The following DEPDC5 variants were observed in gnomAD, a reference collection of about 807,000 sequenced individuals.
The protein encoded by DEPDC5 is GATOR1 complex protein DEPDC5.
DEPDC5 carries 73 observed loss-of-function variants against 217.3 expected under a neutral mutation model. The ratio of observed to expected loss-of-function variants is 0.34; its 90% CI spans 0.28 to 0.41. The LOEUF (loss-of-function observed/expected upper bound fraction) is 0.41. DEPDC5 is among the 10% of genes least tolerant of loss of function. DEPDC5 has a pLI of 1.00. For missense variants in DEPDC5, 1,675 were observed against 2,070.1 expected, an observed-to-expected ratio of 0.81 and a Z score of 3.70; for synonymous variants, 733 against 756.7, an observed-to-expected ratio of 0.97 and a Z score of 0.51.
At chr22:31,837,452 A>G (rs1313732552) in intron 26 of DEPDC5, 2 of 423,412 alleles carry the variant, frequency 4.7e-6, no homozygotes, top group African/African-American at 2.1e-5. Flanking sequence ...CTGAGTACAA[A>G]CAGTCTTTCC....
chr22:31,849,726 A>G (rs1602403955), intron 31 of DEPDC5, among the ~76,000 whole-genome samples: 1 of 151,996 alleles, frequency 6.6e-6, no homozygotes, highest in East Asian at 1.9e-4. Flanking sequence ...GGTTGCAATG[A>G]GCTAAAATTG....
At chr22:31,864,484 A>T (rs2092617595) in intron 33 of DEPDC5, among the ~76,000 whole-genome samples, 1 of 140,312 alleles carries the variant, frequency 7.1e-6, no homozygotes, top group African/African-American at 2.6e-5. Flanking sequence ...AACCTTCTGA[A>T]CCTGTTTCTT....
chr22:31,766,608 A>T lies in DEPDC5; in HGVS notation c.303A>T (p.Glu101Asp). ...AGGATGTGACCCTTGACCTAGTGGA[A>T]TTAACTTTTAAGGATCAGTATATTG... ...DPKDVTLDLV[E>D]LTFKDQYIGR... Residue 101 changes from glutamate (E) to aspartate (D), a missense_variant, in exon 6 of 43, where the codon GAA (glutamate) becomes GAT (aspartate). Coordinates refer to ENST00000651528, the MANE Select transcript of DEPDC5 (RefSeq NM_001242896.3). 1 of 1,613,994 alleles carries T rather than the reference A, an allele frequency of 6.2e-7. No homozygotes were observed. Among genetic ancestry groups the T allele is most frequent in the Non-Finnish European group, 8.5e-7 (1 of 1,179,962 alleles).
At chr22:31,886,645 A>G (rs2093319288) in intron 38 of DEPDC5, among the ~76,000 whole-genome samples, 1 of 150,606 alleles carries the variant, frequency 6.6e-6, no homozygotes. Flanking sequence ...CTGTAATCCC[A>G]GCTACTCGTG....
At position 31,846,876 on chromosome 22, in the gene DEPDC5, T is replaced by G. The variant is rs756819729; in HGVS notation, c.3064T>G (p.Ser1022Ala). Residue 1022 changes from serine (S) to alanine (A), a missense_variant, in exon 31 of 43, where the codon TCC becomes GCC. Ser to Ala is a moderately conservative substitution (Grantham distance 99). Coordinates refer to ENST00000651528, the MANE Select transcript of DEPDC5 (RefSeq NM_001242896.3). ...MKGLQMTGPI[S>A]THSLESTAPP... is the part of the protein sequence containing the mutation. ...AGGCTTGCAGATGACTGGGCCCATT[T>G]CCACGCATTCTCTGGAGTCAACTGC... The G allele has an allele frequency of 6.2e-7, 1 of 1,614,228 alleles. No individual in the cohort carries two copies. Among genetic ancestry groups the G allele is most frequent in the South Asian group, 1.1e-5 (1 of 91,090 alleles).
intron 33 of DEPDC5, among the ~76,000 whole-genome samples, chr22:31,865,161 G>A (rs2092654402): frequency 1.3e-5 from 2 of 152,042 alleles, no homozygotes; most frequent in African/African-American, 4.8e-5. Flanking sequence ...CTGTTTATTA[G>A]TAGCCTCACC....
chr22:31,756,038 A>AT (rs35222514), intron 2 of DEPDC5, among the ~76,000 whole-genome samples: 17,261 of 116,790 alleles, frequency 0.15, 1,603 homozygotes, highest in African/African-American at 0.27. Context: ...ACACCTGGCT[A>AT]TTTTTTTTTT....
At chr22:31,809,399 G>A (rs1371854918) in intron 18 of DEPDC5, among the ~76,000 whole-genome samples, 1 of 152,134 alleles carries the variant, frequency 6.6e-6, no homozygotes, top group Non-Finnish European at 1.5e-5. Flanking sequence ...CTTGTAAGGG[G>A]CAGTCCATTC....
intron 6 of DEPDC5, 149 bp from the exon 7 acceptor site, chr22:31,768,665 G>A: frequency 1.6e-6 from 1 of 633,598 alleles, no homozygotes; most frequent in South Asian, 2.2e-5. Flanking sequence ...TCACAAGCTA[G>A]TTCAACTTTG....
intron 29 of DEPDC5, chr22:31,844,814 C>A: frequency 1.9e-6 from 1 of 539,944 alleles, no homozygotes; most frequent in Admixed American, 3.9e-5. Flanking sequence ...CTCGGCCTCC[C>A]AAAGTGCTGG....
At chr22:31,847,222 C>G (rs2149040294) in intron 31 of DEPDC5, among the ~76,000 whole-genome samples, 1 of 152,268 alleles carries the variant, frequency 6.6e-6, no homozygotes, top group East Asian at 1.9e-4. Flanking sequence ...AGTATTTCAA[C>G]ATATTTGAGC....
rs576658990 is a variant in DEPDC5, at chr22:31,897,132, A to C, written c.4204-350A>C. ...ACTGTCTCAAAAAAAAAAAAGGACA[A>C]AATTAGAAGGACTTAACCTCTATCC... On this transcript the variant is annotated intron_variant, in intron 39 of 42. Transcript: ENST00000651528. 2.0e-5 allele frequency among the ~76,000 whole-genome samples: 3 copies of C among 152,182 alleles called. No homozygotes were observed. The East Asian group carries it at 5.8e-4, about 29-fold the overall frequency.
intron 9 of DEPDC5, 96 bp downstream of exon 9, chr22:31,784,081 T>A (rs766898784): frequency 2.3e-5 from 22 of 972,768 alleles, no homozygotes; most frequent in Non-Finnish European, 3.3e-5. Context: ...CCACATCATC[T>A]TCTAACAAAC....
chr22:31,760,743 G>A, intron 4 of DEPDC5, 41 bp downstream of exon 4: 3 of 1,503,558 alleles, frequency 2.0e-6, no homozygotes, highest in Non-Finnish European at 2.7e-6. Context: ...TTTATTTACT[G>A]CCTCAGAAAC....
chr22:31,853,744 A>G (rs928937510), intron 31 of DEPDC5, among the ~76,000 whole-genome samples: 5 of 152,214 alleles, frequency 3.3e-5, no homozygotes, highest in African/African-American at 1.2e-4. Flanking sequence ...CAGTGGGACC[A>G]GTCTGGGCAG....
At chr22:31,770,791 C>CTTT (rs1156973076) in intron 7 of DEPDC5, among the ~76,000 whole-genome samples, 7 of 120,122 alleles carry the variant, frequency 5.8e-5, no homozygotes, top group Admixed American at 8.7e-5. Context: ...ATCTACTTTT[C>CTTT]TTTTTTTTTT....
At chr22:31,875,989 T>C in intron 36 of DEPDC5, 168 bp from the exon 37 acceptor site, 1 of 576,624 alleles carries the variant, frequency 1.7e-6, no homozygotes, top group Non-Finnish European at 3.1e-6. Flanking sequence ...TGATACGAGT[T>C]TACATTTTAA....
intron 27 of DEPDC5, among the ~76,000 whole-genome samples, chr22:31,840,145 G>A: frequency 6.6e-6 from 1 of 152,186 alleles, no homozygotes; most frequent in Non-Finnish European, 1.5e-5. Context: ...TGAGGGAGAA[G>A]TCATGGGGCT....
At chr22:31,851,765 C>A (rs997569591) in intron 31 of DEPDC5, among the ~76,000 whole-genome samples, 2 of 152,108 alleles carry the variant, frequency 1.3e-5, no homozygotes, top group African/African-American at 4.8e-5. Flanking sequence ...ATTAGGCTTT[C>A]CAGAAGTAAC....
Sources: gnomAD v4.1 joint callset for allele counts (sites outside exome capture counted in the v4.1 genomes callset) on GRCh38, gnomAD v4.1.1 for gene constraint, MANE v1.5 for transcripts, NCBI Gene and HGNC (gene_info 2026-07-23, HGNC 2026-07-21) for gene names.